Variants in NELL1 observed in about 807,000 individuals in gnomAD.
NELL1 encodes neural EGFL like 1.
A neutral mutation model predicts 107.4 loss-of-function variants in NELL1; 76 were observed. The observed-to-expected ratio is 0.71, with a 90% CI of 0.59 to 0.86. The LOEUF is 0.86. Among genes scored for constraint, NELL1 ranks in the 40% least tolerant of loss-of-function variants. The pLI is 0.00. For synonymous variants in NELL1, 353 were observed against 341.2 expected, an observed-to-expected ratio of 1.03 and a Z score of -0.38; for missense variants, 1,024 against 1,005.5, an observed-to-expected ratio of 1.02 and a Z score of -0.25.
chr11:21,428,458 AG>A (rs1852887286), intron 15 of NELL1, among the ~76,000 whole-genome samples: 2 of 152,288 alleles, frequency 1.3e-5, no homozygotes, highest in South Asian at 2.1e-4. Flanking sequence ...TTTGAGTAAA[AG>A]GTTTGGATTT....
chr11:20,828,106 G>A (rs1216246061), intron 3 of NELL1, among the ~76,000 whole-genome samples: 1 of 151,108 alleles, frequency 6.6e-6, no homozygotes, highest in Admixed American at 6.7e-5. Context: ...CCACTTACTG[G>A]TTGTATTTTC....
At chr11:21,107,096 C>T (rs1473169914) in intron 12 of NELL1, among the ~76,000 whole-genome samples, 2 of 152,156 alleles carry the variant, frequency 1.3e-5, no homozygotes, top group Non-Finnish European at 2.9e-5. Flanking sequence ...ATCAATATCC[C>T]TCACCTGAGT....
intron 2 of NELL1, among the ~76,000 whole-genome samples, chr11:20,723,981 C>G (rs923125732): frequency 4.6e-5 from 7 of 152,136 alleles, no homozygotes; most frequent in African/African-American, 1.4e-4. Context: ...GTACCTTGGT[C>G]CCTTTTAGCC....
intron 12 of NELL1, among the ~76,000 whole-genome samples, chr11:20,965,597 G>T (rs924918895): frequency 3.3e-5 from 5 of 152,136 alleles, no homozygotes; most frequent in African/African-American, 9.7e-5. Flanking sequence ...AACACAAGTG[G>T]AATTGTATTC....
chr11:21,151,463 G>T (rs775283471), intron 13 of NELL1, among the ~76,000 whole-genome samples: 12 of 152,272 alleles, frequency 7.9e-5, no homozygotes, highest in South Asian at 6.2e-4. Context: ...CATGCTGCGT[G>T]TTGATGGTGC....
At chr11:20,805,627 C>T (rs1857366653) in intron 3 of NELL1, among the ~76,000 whole-genome samples, 1 of 152,146 alleles carries the variant, frequency 6.6e-6, no homozygotes, top group Non-Finnish European at 1.5e-5. Flanking sequence ...TCATGCCTCC[C>T]GAGCAGCTGG....
At chr11:21,419,128 T>C (rs1157569694) in intron 15 of NELL1, among the ~76,000 whole-genome samples, 1 of 152,126 alleles carries the variant, frequency 6.6e-6, no homozygotes, top group Admixed American at 6.6e-5. Flanking sequence ...CTTTGGTTAC[T>C]TACACTGCTC....
intron 12 of NELL1, among the ~76,000 whole-genome samples, chr11:20,990,250 C>G (rs193035641): frequency 3.0e-4 from 45 of 152,208 alleles, no homozygotes; most frequent in African/African-American, 1.1e-3. Context: ...CAGGGAGATT[C>G]ATTCTGGCCT....
intron 15 of NELL1, among the ~76,000 whole-genome samples, chr11:21,510,351 G>T (rs1054217459): frequency 7.2e-5 from 11 of 152,166 alleles, no homozygotes; most frequent in Non-Finnish European, 1.6e-4. Flanking sequence ...TGTGGAATTT[G>T]TAGAGCATTT....
intron 14 of NELL1, among the ~76,000 whole-genome samples, chr11:21,356,592 A>G (rs758368453): frequency 1.4e-4 from 21 of 152,192 alleles, no homozygotes; most frequent in Non-Finnish European, 2.9e-4. Flanking sequence ...GGAGAACAGG[A>G]TCTATATTAC....
intron 12 of NELL1, among the ~76,000 whole-genome samples, chr11:21,088,059 C>CTGTGTGTGTGTGTGTGTG (rs56900585): frequency 7.4e-6 from 1 of 135,992 alleles, no homozygotes; most frequent in Non-Finnish European, 1.6e-5. Context: ...CCCAGTAGCT[C>CTGTGTGTGTGTGTGTGTG]TGTGTGTGTG....
chr11:21,574,419 T>C (rs1427678648), intron 19 of NELL1, among the ~76,000 whole-genome samples: 3 of 151,780 alleles, frequency 2.0e-5, no homozygotes, highest in Non-Finnish European at 2.9e-5. Flanking sequence ...TTGATAATTA[T>C]GTGGAATTAT....
At chr11:21,217,628 A>G (rs185703174) in intron 13 of NELL1, among the ~76,000 whole-genome samples, 296 of 152,320 alleles carry the variant, frequency 1.9e-3, no homozygotes, top group African/African-American at 6.7e-3. Flanking sequence ...TTATAGGAAA[A>G]GTGCCTTACA....
chr11:20,932,623 T>G (rs1397846492), intron 9 of NELL1, among the ~76,000 whole-genome samples: 3 of 152,206 alleles, frequency 2.0e-5, no homozygotes. Flanking sequence ...ATTTAATTCT[T>G]CCAACAACTT....
intron 13 of NELL1, among the ~76,000 whole-genome samples, chr11:21,163,029 C>G (rs1252579028): frequency 6.6e-6 from 1 of 152,130 alleles, no homozygotes; most frequent in African/African-American, 2.4e-5. Flanking sequence ...TTAAACCTGT[C>G]TATGAGACTG....
At chr11:21,409,528 A>G (rs1852323482) in intron 15 of NELL1, among the ~76,000 whole-genome samples, 1 of 152,004 alleles carries the variant, frequency 6.6e-6, no homozygotes, top group Non-Finnish European at 1.5e-5. Flanking sequence ...ACATGTATAC[A>G]TATGTAACTA....
chr11:20,747,370 G>A (rs1020111013), intron 2 of NELL1, among the ~76,000 whole-genome samples: 1 of 152,060 alleles, frequency 6.6e-6, no homozygotes, highest in Admixed American at 6.6e-5. Flanking sequence ...AGGTCATCTA[G>A]GCATGATGAA....
At chr11:21,245,451 G>C (rs555387001) in intron 14 of NELL1, among the ~76,000 whole-genome samples, 33 of 152,244 alleles carry the variant, frequency 2.2e-4, no homozygotes, top group African/African-American at 7.9e-4. Context: ...TCCTCAGTTG[G>C]AAGGAAATAT....
At chr11:21,128,433 T>C (rs566249022) in intron 13 of NELL1, among the ~76,000 whole-genome samples, 1 of 152,302 alleles carries the variant, frequency 6.6e-6, no homozygotes, top group African/African-American at 2.4e-5. Flanking sequence ...ATTAGGAGTT[T>C]CAAATAGCTG....
Sources: allele counts gnomAD v4.1 joint callset (sites outside exome capture counted in the v4.1 genomes callset), GRCh38; gene constraint gnomAD v4.1.1; transcripts MANE v1.5; gene names NCBI Gene and HGNC (gene_info 2026-07-23, HGNC 2026-07-21).